The following OSBPL10 variants were observed in gnomAD, a reference collection of about 807,000 sequenced individuals.
The protein encoded by OSBPL10 is oxysterol-binding protein-related protein 10.
OSBPL10 carries 49 observed loss-of-function variants against 81.7 expected under a neutral mutation model. That is an observed-to-expected ratio of 0.60 (90% CI 0.48 to 0.76). The LOEUF is 0.76. Among genes scored for constraint, OSBPL10 ranks in the 30% least tolerant of loss-of-function variants. OSBPL10 has a pLI of 0.00. For synonymous variants in OSBPL10, 419 were observed against 383.6 expected, an observed-to-expected ratio of 1.09 and a Z score of -1.08; for missense variants, 923 against 987.8, an observed-to-expected ratio of 0.93 and a Z score of 0.88.
intron 1 of OSBPL10, among the ~76,000 whole-genome samples, chr3:31,888,649 A>G (rs4571266): frequency 0.72 from 109,763 of 152,150 alleles, 40,256 homozygotes; most frequent in East Asian, 0.87. Context: ...GGCTGGGCAC[A>G]GTGGCTCACG....
At position 32,024,813 on chromosome 3, in the gene OSBPL10, C is replaced by T. The variant is rs143250962; in HGVS notation, n.298+21678G>A. 2.6e-3 allele frequency among the ~76,000 whole-genome samples: 389 copies of T among 152,228 alleles called. 1 individual carries two copies. Among genetic ancestry groups the T allele is most frequent in the African/African-American group, 8.8e-3 (367 of 41,542 alleles). On this transcript the variant is annotated intron_variant and non_coding_transcript_variant, in intron 2 of 3. Transcript: ENST00000479173. ...AATTTCATCTTTGAATAGTTTGTTG[C>T]TAGAACATGGAAATATAATTAGCTT...
At chr3:31,720,585 T>C (rs1415356876) in intron 6 of OSBPL10, among the ~76,000 whole-genome samples, 1 of 152,082 alleles carries the variant, frequency 6.6e-6, no homozygotes, top group Non-Finnish European at 1.5e-5. Context: ...CCAACTCCCC[T>C]GCTGCTGTAG....
Position 31,948,160 on chromosome 3 carries a change from G to A in OSBPL10, c.281+32739C>T, listed in dbSNP as rs570703833. On this transcript the variant is annotated intron_variant, in intron 1 of 11. Transcript: ENST00000396556. ...TAACTCCCTCAATTAGTCAAGGGCT[G>A]GGTGCCCTGACCCAGTAAAGGGGAT... 5.9e-5 allele frequency among the ~76,000 whole-genome samples: 9 copies of A among 152,266 alleles called. 1 individual carries two copies. In the South Asian group the frequency reaches 1.9e-3, roughly 32 times the overall value.
intron 1 of OSBPL10, among the ~76,000 whole-genome samples, chr3:31,971,330 G>A (rs1698561666): frequency 1.3e-5 from 2 of 152,014 alleles, no homozygotes; most frequent in Non-Finnish European, 2.9e-5. Context: ...AGTAGAGACA[G>A]GGTTTCGCCA....
chr3:31,956,538 G>GC (rs1698011866), intron 1 of OSBPL10, among the ~76,000 whole-genome samples: 1 of 152,174 alleles, frequency 6.6e-6, no homozygotes, highest in African/African-American at 2.4e-5. Context: ...GGCCAACATG[G>GC]CGAAACCCTG....
intron 1 of OSBPL10, among the ~76,000 whole-genome samples, chr3:31,940,289 A>C (rs1250243949): frequency 6.6e-6 from 1 of 152,248 alleles, no homozygotes; most frequent in Non-Finnish European, 1.5e-5. Flanking sequence ...TGAGCTCCAA[A>C]GTATTATGTT....
intron 4 of OSBPL10, among the ~76,000 whole-genome samples, chr3:31,772,347 T>C (rs188695376): frequency 1.3e-5 from 2 of 152,342 alleles, no homozygotes; most frequent in African/African-American, 4.8e-5. Context: ...TTATTCACAG[T>C]TCTGCTTCAA....
At chr3:31,804,354 G>C (rs1251432233) in intron 4 of OSBPL10, among the ~76,000 whole-genome samples, 2 of 152,108 alleles carry the variant, frequency 1.3e-5, no homozygotes, top group African/African-American at 4.8e-5. Context: ...ACGAGGCAAG[G>C]AGAGGTTAAA....
intron 11 of OSBPL10, chr3:31,662,560 A>G (rs1433187302): frequency 2.2e-6 from 2 of 924,932 alleles, no homozygotes; most frequent in Non-Finnish European, 2.6e-6. Flanking sequence ...AAATCAGCAC[A>G]CACAAGAAAC....
At chr3:31,728,784 T>C (rs75858995) in intron 6 of OSBPL10, among the ~76,000 whole-genome samples, 2,554 of 152,226 alleles carry the variant, frequency 0.017, 59 homozygotes, top group African/African-American at 0.058. Context: ...CTGGGGGCAA[T>C]AGAACTGTTC....
intron 3 of OSBPL10, among the ~76,000 whole-genome samples, chr3:31,845,015 A>G (rs6766849): frequency 0.74 from 112,107 of 152,172 alleles, 41,770 homozygotes; most frequent in South Asian, 0.89. Flanking sequence ...CCAGGAGGTC[A>G]AAGCTGCAGT....
At position 31,981,124 on chromosome 3, in the gene OSBPL10, C is replaced by T; in HGVS notation, c.56G>A (p.Arg19His). The change falls in exon 1 of 12, where the codon CGC becomes CAC. Residue 19 changes from arginine (R) to histidine (H), a missense_variant. By Grantham distance (29) the Arg-to-His change is conservative. Coordinates refer to ENST00000396556, the MANE Select transcript of OSBPL10 (RefSeq NM_017784.5). The surrounding 1 kb of genome is among the most constrained non-coding windows in gnomAD (Gnocchi z 4.5). ...CGCCGAGGTAGCACGGCTGCTGCTG[C>T]GGCTGCTGCTGTTGCTACCCCCGCC... ...DGGGGSNSSS[R>H]SSSRATSAGS... 1 of 1,491,548 alleles carries T rather than the reference C, an allele frequency of 6.7e-7. No individual in the cohort carries two copies. Among genetic ancestry groups the T allele is most frequent in the Non-Finnish European group, 8.9e-7 (1 of 1,125,288 alleles). 92.4% of individuals were successfully genotyped at this position (1,491,548 alleles called of 1,614,324 possible).
chr3:31,846,581 A>G (rs13100756), intron 3 of OSBPL10, among the ~76,000 whole-genome samples: 113,671 of 151,782 alleles, frequency 0.75, 42,915 homozygotes, highest in South Asian at 0.89. Context: ...GCAGTGAGCC[A>G]AGATCACGCC....
intron 4 of OSBPL10, among the ~76,000 whole-genome samples, chr3:31,773,574 A>C (rs1698444364): frequency 6.6e-6 from 1 of 152,200 alleles, no homozygotes; most frequent in Non-Finnish European, 1.5e-5. Flanking sequence ...GTGGTTGTAC[A>C]AAAGGTCCCA....
intron 4 of OSBPL10, among the ~76,000 whole-genome samples, chr3:31,801,150 G>A (rs1224914584): frequency 6.6e-6 from 1 of 152,122 alleles, no homozygotes; most frequent in Non-Finnish European, 1.5e-5. Context: ...TGACTGTCAG[G>A]TACAAGAACC....
intron 3 of OSBPL10, among the ~76,000 whole-genome samples, chr3:31,874,876 G>A (rs1368317174): frequency 6.6e-6 from 1 of 151,804 alleles, no homozygotes; most frequent in Admixed American, 6.6e-5. Context: ...GACACCTAGA[G>A]GTATAAGAAT....
intron 4 of OSBPL10, among the ~76,000 whole-genome samples, chr3:31,819,255 C>T (rs1425893828): frequency 6.6e-6 from 1 of 152,212 alleles, no homozygotes; most frequent in Non-Finnish European, 1.5e-5. Context: ...ACGATGGCAG[C>T]TTTGAGGTTC....
At chr3:31,859,172 T>TTG in intron 3 of OSBPL10, among the ~76,000 whole-genome samples, 1 of 152,146 alleles carries the variant, frequency 6.6e-6, no homozygotes, top group East Asian at 1.9e-4. Flanking sequence ...GGTTTTTTTT[T>TTG]TTGTTGTTGT....
In OSBPL10 at chr3:31,678,924, C is replaced by T. The variant is rs75932737; in HGVS notation, c.1726+4710G>A. ...ACTTCTGCCTTCAGTCTATTCTTCA[C>T]TCAGCCAACACAGGGATGCTAAAAT... On this transcript the variant is annotated intron_variant, in intron 8 of 11. Coordinates refer to ENST00000396556, the MANE Select transcript of OSBPL10 (RefSeq NM_017784.5). 3.8e-3 allele frequency among the ~76,000 whole-genome samples: 577 copies of T among 152,142 alleles called. 31 individuals carry two copies. The East Asian group carries it at 0.091, about 24-fold the overall frequency.
Sources: gnomAD v4.1 joint callset for allele counts (sites outside exome capture counted in the v4.1 genomes callset) on GRCh38, gnomAD v4.1.1 for gene constraint, Gnocchi (gnomAD v3.1) non-coding constraint, MANE v1.5 for transcripts, NCBI Gene and HGNC (gene_info 2026-07-23, HGNC 2026-07-21) for gene names.